The following CIRSR variants were observed in gnomAD, a reference collection of about 807,000 sequenced individuals.
CIRSR encodes CBF1 (RBPJ) interacting corepressor 1.
chr2:174,381,604 C>T, the CIRSR span: 1 of 814,280 alleles, frequency 1.2e-6, no homozygotes, highest in Non-Finnish European at 1.9e-6. Flanking sequence ...TTGTAGTGTG[C>T]TGAGATGGCA....
chr2:174,395,639 G>T, the CIRSR span: 1 of 1,614,206 alleles, frequency 6.2e-7, no homozygotes. Flanking sequence ...ACTGGAACTA[G>T]GGAAAGCAGG....
chr2:174,390,668 T>C, the CIRSR span, among the ~76,000 whole-genome samples: 3 of 149,156 alleles, frequency 2.0e-5, no homozygotes, highest in African/African-American at 5.1e-5. Context: ...TCATCTTGAA[T>C]TGTAGTTCCC....
the CIRSR span, among the ~76,000 whole-genome samples, chr2:174,373,890 C>A: frequency 6.6e-6 from 1 of 151,696 alleles, no homozygotes; most frequent in Non-Finnish European, 1.5e-5. Context: ...TACACACACA[C>A]ATACACACAC....
At chr2:174,352,526 A>G in the CIRSR span, among the ~76,000 whole-genome samples, 2 of 152,172 alleles carry the variant, frequency 1.3e-5, no homozygotes, top group African/African-American at 4.8e-5. Context: ...AGGCGGGAGG[A>G]TCACTTGAGC....
chr2:174,370,022 G>A, the CIRSR span: 7 of 1,364,694 alleles, frequency 5.1e-6, no homozygotes, highest in African/African-American at 7.4e-5. Flanking sequence ...CATCTGCAAA[G>A]GGCAAGAAAG....
the CIRSR span, among the ~76,000 whole-genome samples, chr2:174,388,078 G>T: frequency 6.6e-6 from 1 of 152,140 alleles, no homozygotes; most frequent in Non-Finnish European, 1.5e-5. Context: ...AGCCGTCCTG[G>T]GCCACATGTG....
At chr2:174,372,153 CTT>C in the CIRSR span, among the ~76,000 whole-genome samples, 1 of 152,138 alleles carries the variant, frequency 6.6e-6, no homozygotes, top group Non-Finnish European at 1.5e-5. Context: ...TTAAGTCAAA[CTT>C]TAAAGGCATT....
At chr2:174,362,716 TC>T in the CIRSR span, among the ~76,000 whole-genome samples, 3 of 65,462 alleles carry the variant, frequency 4.6e-5, 1 homozygote, top group Admixed American at 3.6e-4. Context: ...AAAAAAAAAA[TC>T]TTACATTTAT....
chr2:174,357,846 A>C, the CIRSR span, among the ~76,000 whole-genome samples: 1 of 152,214 alleles, frequency 6.6e-6, no homozygotes, highest in Non-Finnish European at 1.5e-5. Flanking sequence ...AAAGTGAACA[A>C]AGCTATTAAT....
chr2:174,350,914 C>T, the CIRSR span, among the ~76,000 whole-genome samples: 1 of 152,166 alleles, frequency 6.6e-6, no homozygotes, highest in Non-Finnish European at 1.5e-5. Context: ...TGTAGTCTCC[C>T]TGCCGAAGTG....
At chr2:174,390,522 T>TA in the CIRSR span, among the ~76,000 whole-genome samples, 3 of 152,222 alleles carry the variant, frequency 2.0e-5, no homozygotes, top group Non-Finnish European at 4.4e-5. Flanking sequence ...ACTTTGGACT[T>TA]AGACATTTGA....
At chr2:174,378,841 A>G in the CIRSR span, 1 of 1,036,222 alleles carries the variant, frequency 9.7e-7, no homozygotes, top group African/African-American at 1.6e-5. Flanking sequence ...AAATAAAACA[A>G]TACCCAGAAA....
the CIRSR span, among the ~76,000 whole-genome samples, chr2:174,378,180 T>C: frequency 6.6e-6 from 1 of 152,188 alleles, no homozygotes; most frequent in African/African-American, 2.4e-5. Context: ...AAAGGTTCTC[T>C]AGCTGCTTTA....
the CIRSR span, chr2:174,350,694 A>G: frequency 6.2e-7 from 1 of 1,609,458 alleles, no homozygotes; most frequent in Admixed American, 1.7e-5. Context: ...GTTGTTAGTG[A>G]CTTTAAAAAT....
At chr2:174,359,398 T>C in the CIRSR span, among the ~76,000 whole-genome samples, 478 of 152,114 alleles carry the variant, frequency 3.1e-3, 5 homozygotes, top group Non-Finnish European at 2.2e-3. Flanking sequence ...ACTATGGTAC[T>C]GTAGCCACTC....
At chr2:174,381,636 G>T in the CIRSR span, 2 of 1,242,396 alleles carry the variant, frequency 1.6e-6, no homozygotes, top group South Asian at 1.4e-5. Flanking sequence ...CAGCCTGGAC[G>T]ACAGGGCAAG....
chr2:174,359,461 T>C, the CIRSR span, among the ~76,000 whole-genome samples: 6 of 152,136 alleles, frequency 3.9e-5, no homozygotes, highest in Admixed American at 3.9e-4. Context: ...GCATAGGGAA[T>C]TCAAACTTAC....
the CIRSR span, chr2:174,381,720 T>A: frequency 1.3e-6 from 2 of 1,591,650 alleles, no homozygotes; most frequent in South Asian, 1.1e-5. Context: ...TAGCTCCTGG[T>A]GGGGCTTCAT....
the CIRSR span, among the ~76,000 whole-genome samples, chr2:174,359,708 G>A: frequency 6.6e-6 from 1 of 152,108 alleles, no homozygotes; most frequent in Non-Finnish European, 1.5e-5. Context: ...TTCCATTACT[G>A]GGTATATACC....
Sources: allele counts gnomAD v4.1 joint callset (sites outside exome capture counted in the v4.1 genomes callset), GRCh38; gene constraint gnomAD v4.1.1; transcripts MANE v1.5; gene names NCBI Gene and HGNC (gene_info 2026-07-23, HGNC 2026-07-21).